The following APOOL variants were observed in gnomAD, a reference collection of about 807,000 sequenced individuals.
APOOL encodes MICOS complex subunit MIC27.
Under a neutral mutation model 23.1 loss-of-function variants are expected in APOOL, and 12 were observed. The observed-to-expected ratio is 0.52, with a 90% CI of 0.33 to 0.84. APOOL has a LOEUF of 0.84. Ranked by LOEUF, APOOL falls within the 40% of genes least tolerant of loss-of-function variation. The probability of loss-of-function intolerance (pLI) is 0.02; values close to 1 mark genes in which losing one functional copy is unlikely to be tolerated. For synonymous variants in APOOL, 77 were observed against 69.9 expected (o/e 1.10, Z -0.51); for missense variants, 212 against 199.6 (o/e 1.06, Z -0.37).
rs777127258 is a variant in APOOL, at chrX:85,059,276, G to A, written c.394+3351G>A. On this transcript the variant is annotated intron_variant, in intron 5 of 8. Transcript: ENST00000373173. ...CCACATTTTCTTAATCCAGTCTATC[G>A]TTGTTGGACATTTAGGTTGGTTCCA... 1.1e-4 allele frequency among the ~76,000 whole-genome samples: 12 copies of A among 106,490 alleles called. No individual in the cohort carries two copies. The East Asian group carries it at 1.2e-3, about 11-fold the overall frequency. 92.5% of individuals were successfully genotyped at this position (106,490 alleles called of 115,157 possible). A position where few individuals can be genotyped will look rare whatever the true frequency, so the allele number is the denominator to read the frequency against.
chrX:85,080,370 G>T (rs1346644410), intron 8 of APOOL: 7 of 111,846 alleles, frequency 6.3e-5, no homozygotes, highest in Non-Finnish European at 1.1e-4. Flanking sequence ...TTCAGGAGCA[G>T]GTTATTCAGT....
intron 1 of APOOL, among the ~76,000 whole-genome samples, chrX:85,006,874 G>A (rs1921098758): frequency 9.0e-6 from 1 of 111,706 alleles, no homozygotes; most frequent in African/African-American, 3.3e-5. Context: ...GAAATCACAT[G>A]GTATGAGTCC....
intron 8 of APOOL, among the ~76,000 whole-genome samples, chrX:85,078,617 A>G (rs2147665408): frequency 9.0e-6 from 1 of 111,191 alleles, no homozygotes; most frequent in Non-Finnish European, 1.9e-5. Flanking sequence ...TTTTTTTCCA[A>G]TTCTGTGAAG....
intron 1 of APOOL, among the ~76,000 whole-genome samples, chrX:85,010,910 A>C (rs1349945599): frequency 8.9e-6 from 1 of 111,819 alleles, no homozygotes; most frequent in Non-Finnish European, 1.9e-5. Context: ...TAGTTCTTTA[A>C]TGAATCTCCA....
intron 5 of APOOL, among the ~76,000 whole-genome samples, chrX:85,062,561 G>A (rs1238879992): frequency 9.0e-6 from 1 of 111,700 alleles, no homozygotes; most frequent in African/African-American, 3.3e-5. Flanking sequence ...GTAAGGAAGG[G>A]ATCAAATTTC....
chrX:85,059,036 C>T (rs1313095229), intron 5 of APOOL, among the ~76,000 whole-genome samples: 2 of 71,078 alleles, frequency 2.8e-5, no homozygotes, highest in Non-Finnish European at 5.0e-5. Flanking sequence ...CCGCCCCCCA[C>T]CCCACAACAG....
rs368734320 is a variant in APOOL at position 85,092,523 on chromosome X, A to G, written c.*4845A>G. On this transcript the variant is annotated 3_prime_UTR_variant, in exon 9 of 9. Transcript: ENST00000373173. Reference sequence around the variant, plus strand: ...TAGAAGCCTGGTTCCAAATGACGACAAGAAAGTGCATGCAGTTACATTGAG... The same window carrying G: ...TAGAAGCCTGGTTCCAAATGACGACGAGAAAGTGCATGCAGTTACATTGAG... 6.6e-6 allele frequency: 8 copies of G among 1,208,782 alleles called. No homozygotes were observed. Among genetic ancestry groups the G allele is most frequent in the Non-Finnish European group, 8.9e-6 (8 of 894,167 alleles).
At chrX:85,073,020 T>G (rs1007776769) in intron 6 of APOOL, among the ~76,000 whole-genome samples, 3 of 111,350 alleles carry the variant, frequency 2.7e-5, no homozygotes, top group Admixed American at 9.7e-5. Flanking sequence ...GTTTTAAAAT[T>G]TGTGTATATA....
At chrX:85,006,409 C>A (rs914739599) in intron 1 of APOOL, among the ~76,000 whole-genome samples, 4 of 111,239 alleles carry the variant, frequency 3.6e-5, no homozygotes, top group African/African-American at 1.3e-4. Context: ...TAGGTTCAAA[C>A]AGTATATTTA....
intron 8 of APOOL, among the ~76,000 whole-genome samples, chrX:85,081,920 C>T (rs773105364): frequency 8.9e-6 from 1 of 112,093 alleles, no homozygotes; most frequent in Non-Finnish European, 1.9e-5. Flanking sequence ...ATGTAGCTCT[C>T]GTGCCATGAT....
At chrX:85,016,199 A>C (rs1921466244) in intron 1 of APOOL, among the ~76,000 whole-genome samples, 1 of 107,330 alleles carries the variant, frequency 9.3e-6, no homozygotes, top group East Asian at 3.1e-4. Context: ...TGGCTAAGAT[A>C]GGGTTGGTAC....
intron 1 of APOOL, among the ~76,000 whole-genome samples, chrX:85,020,378 C>G (rs1921621263): frequency 9.0e-6 from 1 of 111,450 alleles, no homozygotes; most frequent in Admixed American, 9.5e-5. Context: ...CCCCCAACAC[C>G]AGGCAGTGTA....
intron 1 of APOOL, 25 bp downstream of exon 1, chrX:85,003,952 T>C: frequency 8.3e-7 from 1 of 1,210,724 alleles, no homozygotes; most frequent in East Asian, 3.0e-5. Context: ...ACTTGCTTAA[T>C]TTCTGTGGGT....
At chrX:85,071,547 A>G (rs1923663513) in intron 6 of APOOL, among the ~76,000 whole-genome samples, 1 of 111,115 alleles carries the variant, frequency 9.0e-6, no homozygotes, top group Non-Finnish European at 1.9e-5. Context: ...ATACAGATCT[A>G]ATCATAAACT....
intron 1 of APOOL, among the ~76,000 whole-genome samples, chrX:85,009,114 T>C (rs1362279967): frequency 2.7e-5 from 3 of 111,904 alleles, no homozygotes; most frequent in Non-Finnish European, 5.6e-5. Flanking sequence ...TATGCTGCAG[T>C]TCCCTGAGTT....
At chrX:85,081,745 T>A (rs2147667894) in intron 8 of APOOL, among the ~76,000 whole-genome samples, 1 of 111,846 alleles carries the variant, frequency 8.9e-6, no homozygotes, top group East Asian at 2.8e-4. Context: ...GTAGATTTGG[T>A]CTTTTCTCAT....
chrX:85,079,519 G>A (rs12842427), intron 8 of APOOL, among the ~76,000 whole-genome samples: 19,106 of 110,661 alleles, frequency 0.17, 1,698 homozygotes, highest in Non-Finnish European at 0.27. Flanking sequence ...TTTTCACATC[G>A]ATGTTCATCA....
intron 8 of APOOL, among the ~76,000 whole-genome samples, chrX:85,075,522 T>G (rs1485467246): frequency 1.8e-5 from 2 of 111,789 alleles, no homozygotes; most frequent in African/African-American, 3.2e-5. Context: ...AAACATGATA[T>G]GAGTTTTACT....
At chrX:85,005,913 G>A (rs1351132434) in intron 1 of APOOL, among the ~76,000 whole-genome samples, 1 of 111,950 alleles carries the variant, frequency 8.9e-6, no homozygotes, top group Non-Finnish European at 1.9e-5. Context: ...CCAGAATAGT[G>A]TGTTTTCATT....
Sources: allele counts gnomAD v4.1 joint callset (sites outside exome capture counted in the v4.1 genomes callset), GRCh38; gene constraint gnomAD v4.1.1; transcripts MANE v1.5; gene names NCBI Gene and HGNC (gene_info 2026-07-23, HGNC 2026-07-21).